Variants in MYOM2 observed in about 807,000 individuals in gnomAD.
MYOM2 encodes myomesin 2, also known as myomesin-2.
Under a neutral mutation model 187.6 loss-of-function variants are expected in MYOM2, and 254 were observed. That is an observed-to-expected ratio of 1.35 (90% CI 1.22 to 1.50). The LOEUF (loss-of-function observed/expected upper bound fraction) is 1.50. Ranked by LOEUF, MYOM2 falls within the 40% of genes most tolerant of loss-of-function variation. The pLI is 0.00. For synonymous variants in MYOM2, 981 were observed against 753.8 expected (o/e 1.30, Z -4.94); for missense variants, 2,796 against 1,924.0 (o/e 1.45, Z -8.48).
chr8:2,105,839 G>T (rs148922261), intron 21 of MYOM2, among the ~76,000 whole-genome samples: 1 of 152,158 alleles, frequency 6.6e-6, no homozygotes, highest in Non-Finnish European at 1.5e-5. Context: ...GCATTAGTCC[G>T]TTCTCACGCT....
intron 30 of MYOM2, 138 bp downstream of exon 30, chr8:2,123,780 A>C (rs1168631376): frequency 1.4e-6 from 1 of 730,708 alleles, no homozygotes; most frequent in Non-Finnish European, 2.3e-6. Context: ...GTAGAAAAAA[A>C]CTATTTGTTC....
chr8:2,114,793 T>C lies in MYOM2; in HGVS notation c.3181-1167T>C, dbSNP rs891425396. 8.5e-5 allele frequency among the ~76,000 whole-genome samples: 13 copies of C among 152,274 alleles called. 1 individual carries two copies. The East Asian group carries it at 2.5e-3, about 29-fold the overall frequency. ...CCTAACAAAATTTCTTTTTTCTTTT[T>C]ATTTTTTTGAGACAGGGTCTTTCTC... On this transcript the variant is annotated intron_variant, in intron 25 of 36. Transcript: ENST00000262113.
Position 2,120,680 on chromosome 8 carries a change from T to TATATTTCCTGTATATATA in MYOM2, c.3454-2572_3454-2571insATATTTCCTGTATATATA. Among the ~76,000 whole-genome samples the TATATTTCCTGTATATATA allele has an allele frequency of 1.1e-3, 54 of 48,294 alleles. 4 individuals carry two copies. The highest frequency in any genetic ancestry group is 0.011 in the Middle Eastern group (1 of 88). 31.7% of individuals were successfully genotyped at this position (48,294 alleles called of 152,430 possible). On this transcript the variant is annotated intron_variant, in intron 28 of 36. Coordinates refer to ENST00000262113, the MANE Select transcript of MYOM2 (RefSeq NM_003970.4). The stretch of plus-strand genomic sequence containing the variant: ...CCTGTATATATATATATATATTATA[T>TATATTTCCTGTATATATA]TATATATAAATATATAATATATATA...
chr8:2,114,646 T>G (rs1275107233), intron 25 of MYOM2, among the ~76,000 whole-genome samples: 2 of 152,142 alleles, frequency 1.3e-5, no homozygotes, highest in African/African-American at 4.8e-5. Flanking sequence ...ATTCTTGTAT[T>G]TTTAGTAGAG....
chr8:2,095,293 CTTT>C (rs201143467), intron 17 of MYOM2, among the ~76,000 whole-genome samples: 2 of 136,628 alleles, frequency 1.5e-5, no homozygotes, highest in African/African-American at 2.7e-5. Flanking sequence ...AAACCACTTT[CTTT>C]TTTTTTTTTT....
chr8:2,059,130 A>G, intron 5 of MYOM2, 23 bp from the exon 6 acceptor site: 2 of 1,607,696 alleles, frequency 1.2e-6, no homozygotes, highest in South Asian at 1.1e-5. Context: ...CCTTTAAACT[A>G]AAAACATGCC....
chr8:2,095,256 C>G, intron 17 of MYOM2, among the ~76,000 whole-genome samples: 1 of 150,042 alleles, frequency 6.7e-6, no homozygotes. Flanking sequence ...TTCCCATTTT[C>G]TTTTTAATGT....
chr8:2,131,882 A>T (rs1276098728), intron 32 of MYOM2, among the ~76,000 whole-genome samples: 2 of 152,076 alleles, frequency 1.3e-5, no homozygotes, highest in African/African-American at 4.8e-5. Context: ...TGACCTCGTG[A>T]TCCACCCACC....
chr8:2,120,604 C>T (rs1350409938), intron 28 of MYOM2, among the ~76,000 whole-genome samples: 1 of 119,834 alleles, frequency 8.3e-6, no homozygotes, highest in Non-Finnish European at 1.8e-5. Context: ...AAGGAACCGT[C>T]TTACTATTCT....
Position 2,116,248 on chromosome 8 carries a change from C to T in MYOM2, c.3358C>T (p.Gln1120Ter). Residue 1120 changes from glutamine to a stop codon, truncating the protein, a stop_gained, in exon 27 of 37, where the codon CAA becomes TAA. Transcript: ENST00000262113. LOFTEE classifies it high-confidence loss of function. Reference sequence around the variant, plus strand: ...GACTGTGCTGGAAGAGGCTGAGTTTCAAAGGAAAGAATTTCTCAGGAAACA... The same window carrying T: ...GACTGTGCTGGAAGAGGCTGAGTTTTAAAGGAAAGAATTTCTCAGGAAACA... ...FKTVLEEAEF[Q>*]RKEFLRKQGP... 1 of 1,612,700 alleles carries T rather than the reference C, an allele frequency of 6.2e-7. No homozygotes were observed.
chr8:2,083,531 G>A (rs539790087), intron 13 of MYOM2, among the ~76,000 whole-genome samples: 8 of 152,056 alleles, frequency 5.3e-5, no homozygotes, highest in Non-Finnish European at 1.0e-4. Context: ...TGTGCTTAGC[G>A]GCATCTTGCG....
At chr8:2,060,549 C>T (rs1004414872) in intron 6 of MYOM2, among the ~76,000 whole-genome samples, 6 of 152,146 alleles carry the variant, frequency 3.9e-5, no homozygotes, top group South Asian at 2.1e-4. Context: ...TTGGAACATA[C>T]GATTTTATTG....
At chr8:2,052,705 C>G (rs116914025) in intron 3 of MYOM2, among the ~76,000 whole-genome samples, 1 of 152,234 alleles carries the variant, frequency 6.6e-6, no homozygotes, top group Admixed American at 6.5e-5. Flanking sequence ...ATGAAAACAT[C>G]AAGACCTAGC....
chr8:2,135,191 A>C (rs1164449761), intron 32 of MYOM2, among the ~76,000 whole-genome samples: 1 of 152,204 alleles, frequency 6.6e-6, no homozygotes, highest in East Asian at 1.9e-4. Context: ...TTTCAGAATT[A>C]GTAACTCATA....
chr8:2,048,323 G>A (rs117419808), intron 1 of MYOM2, among the ~76,000 whole-genome samples: 2,448 of 152,348 alleles, frequency 0.016, 26 homozygotes, highest in Non-Finnish European at 0.023. Flanking sequence ...ATTTCAGTGA[G>A]CTCTTCCCAG....
In MYOM2 at chr8:2,106,598, G is replaced by A. The variant is rs760757270; in HGVS notation, c.2998+1G>A. On this transcript the variant is annotated splice_donor_variant, in intron 23 of 36. Coordinates refer to ENST00000262113, the MANE Select transcript of MYOM2 (RefSeq NM_003970.4). LOFTEE classifies it high-confidence loss of function. ...TCCAGTTTTGTTCTGGACCCAGAAG[G>A]TAATATTTATATGGCAGAACCTTGC... is the stretch of plus-strand genomic sequence containing the variant. The A allele has an allele frequency of 2.5e-6, 4 of 1,593,638 alleles. No homozygotes were observed. The highest frequency in any genetic ancestry group is 3.4e-6 in the Non-Finnish European group (4 of 1,164,008).
chr8:2,086,156 C>A (rs867345489), intron 14 of MYOM2, among the ~76,000 whole-genome samples: 1 of 18,068 alleles, frequency 5.5e-5, no homozygotes, highest in Non-Finnish European at 8.8e-5. Context: ...GCGTGGCCCC[C>A]CACTGTTGTG....
chr8:2,076,531 C>T (rs1016044306), intron 11 of MYOM2: 3 of 497,884 alleles, frequency 6.0e-6, no homozygotes, highest in Non-Finnish European at 1.1e-5. Flanking sequence ...CTGTTGCACA[C>T]CCAGTAACCA....
rs755223230 is a variant in MYOM2, at chr8:2,101,098, C to A, written c.2619+44C>A. On this transcript the variant is annotated intron_variant, in intron 20 of 36. Transcript: ENST00000262113. Reference sequence around the variant, plus strand: ...TGGTGGCTCATGCCTGTAATCCCAGCACTTTGGGAGGTAAAGGCGGGCCAA... The same window carrying A: ...TGGTGGCTCATGCCTGTAATCCCAGAACTTTGGGAGGTAAAGGCGGGCCAA... The A allele has an allele frequency of 9.4e-6, 15 of 1,596,760 alleles. No homozygotes were observed. The Admixed American group carries it at 2.0e-4, about 22-fold the overall frequency.
Sources: gnomAD v4.1 joint callset for allele counts (sites outside exome capture counted in the v4.1 genomes callset) on GRCh38, gnomAD v4.1.1 for gene constraint, MANE v1.5 for transcripts, NCBI Gene and HGNC (gene_info 2026-07-23, HGNC 2026-07-21) for gene names.